Variants in KMT2A observed in about 807,000 individuals in gnomAD.
The protein encoded by KMT2A is lysine methyltransferase 2A.
Under a neutral mutation model 345.3 loss-of-function variants are expected in KMT2A, and 16 were observed. That is an observed-to-expected ratio of 0.05 (90% CI 0.03 to 0.07). The LOEUF is 0.07. Ranked by LOEUF, KMT2A falls within the 10% of genes least tolerant of loss-of-function variation. The pLI, the probability that KMT2A is intolerant of heterozygous loss-of-function variation, is 1.00. For missense variants in KMT2A, 3,272 were observed against 4,841.6 expected (o/e 0.68, Z 9.62); for synonymous variants, 1,599 against 1,778.6 (o/e 0.90, Z 2.54).
rs566099865 is a variant in KMT2A, at chr11:118,487,548, A to G, written c.4333-1066A>G. Among the ~76,000 whole-genome samples, 241 of 152,344 alleles carry G rather than the reference A, an allele frequency of 1.6e-3. 1 individual carries two copies. Among genetic ancestry groups the G allele is most frequent in the Non-Finnish European group, 2.4e-3 (163 of 68,040 alleles). ...TGTTAATATGTTTCTCTGTGTGTAT[A>G]TATTTTACAAAATAACAAATAAAAT... is the stretch of plus-strand genomic sequence containing the variant. On this transcript the variant is annotated intron_variant, in intron 10 of 35. Transcript: ENST00000534358.
At position 118,503,047 on chromosome 11, in the gene KMT2A, C is replaced by T. The variant is rs781968542; in HGVS notation, c.7155C>T (p.His2385=). ...GGCAAAGGAATGATCGAGACCAACA[C>T]ACAGATTCTACCCAATCAGCAAACT... is the stretch of plus-strand genomic sequence containing the variant. ...LRGQRNDRDQ[H]TDSTQSANSS... The change falls in exon 27 of 36, where the codon CAC becomes CAT. Residue 2385 remains histidine, a synonymous_variant. Transcript: ENST00000534358. This position sits in a 1 kb window ranked among gnomAD's most constrained non-coding sequence, Gnocchi z 5.3. 1.8e-5 allele frequency: 29 copies of T among 1,613,176 alleles called. No homozygotes were observed. The highest frequency in any genetic ancestry group is 2.3e-5 in the Non-Finnish European group (27 of 1,179,976).
intron 1 of KMT2A, among the ~76,000 whole-genome samples, chr11:118,463,478 A>G (rs1949785675): frequency 6.6e-6 from 1 of 152,242 alleles, no homozygotes. Context: ...TCAGGAAAAG[A>G]ATGAATTAAT....
rs1950988355 is a variant in KMT2A, at chr11:118,522,334, G to T, written c.*162G>T. On this transcript the variant is annotated 3_prime_UTR_variant, in exon 36 of 36. Transcript: ENST00000534358. This position sits in a 1 kb window ranked among gnomAD's most constrained non-coding sequence, Gnocchi z 5.4. ...TATGTCCTATACTCACATCAGACATGTGATCATAGTCCCAGAGACAGAGTT... is the reference window on the plus strand; with the variant it reads ...TATGTCCTATACTCACATCAGACATTTGATCATAGTCCCAGAGACAGAGTT... 1 of 650,684 alleles carries T rather than the reference G, an allele frequency of 1.5e-6. No homozygotes were observed. The highest frequency in any genetic ancestry group is 2.6e-6 in the Non-Finnish European group (1 of 382,600). 40.3% of individuals were successfully genotyped at this position (650,684 alleles called of 1,614,324 possible). A position where few individuals can be genotyped will look rare whatever the true frequency, so the allele number is the denominator to read the frequency against.
Position 118,491,607 on chromosome 11 carries a change from C to G in KMT2A, c.4820-137C>G. The G allele has an allele frequency of 1.4e-6, 1 of 696,886 alleles. No individual in the cohort carries two copies. The highest frequency in any genetic ancestry group is 2.3e-6 in the Non-Finnish European group (1 of 433,640). 43.2% of individuals were successfully genotyped at this position (696,886 alleles called of 1,614,324 possible). ...GCCACTTTTTGAGATCAATATGTGT[C>G]ATATCCATGAGGACATTAAAATCTT... is the stretch of plus-strand genomic sequence containing the variant. On this transcript the variant is annotated intron_variant, in intron 14 of 35. Coordinates refer to ENST00000534358, the MANE Select transcript of KMT2A (RefSeq NM_001197104.2). This position sits in a 1 kb window ranked among gnomAD's most constrained non-coding sequence, Gnocchi z 4.2.
At chr11:118,452,212 C>T (rs538930086) in intron 1 of KMT2A, among the ~76,000 whole-genome samples, 1 of 152,272 alleles carries the variant, frequency 6.6e-6, no homozygotes, top group East Asian at 1.9e-4. Context: ...GGCTCTGAAT[C>T]AGGAGATTTT....
In KMT2A at chr11:118,506,386, G is replaced by A. The variant is rs1217403070; in HGVS notation, c.10494G>A (p.Leu3498=). 2.5e-6 allele frequency: 4 copies of A among 1,614,106 alleles called. No individual in the cohort carries two copies. The highest frequency in any genetic ancestry group is 2.2e-5 in the East Asian group (1 of 44,902). The change falls in exon 27 of 36, where the codon CTG becomes CTA. Residue 3498 remains leucine (L), a synonymous_variant. Transcript: ENST00000534358. Reference sequence around the variant, plus strand: ...TAGACGCTCCTAATAGCATGGGACTGGAGCAGAACAAGGCTTTATCCTCAG... The same window carrying A: ...TAGACGCTCCTAATAGCATGGGACTAGAGCAGAACAAGGCTTTATCCTCAG... ...QTVDAPNSMG[L]EQNKALSSAV...
rs551614247 is a variant in KMT2A, at chr11:118,469,174, A to T, written c.502+330A>T. 1.1e-3 allele frequency among the ~76,000 whole-genome samples: 129 copies of T among 120,436 alleles called. 1 individual carries two copies. Among genetic ancestry groups the T allele is most frequent in the African/African-American group, 4.0e-3 (125 of 31,086 alleles). The allele number at this position is 120,436 out of a possible 152,430, so 79.0% of individuals were successfully genotyped here. A position where few individuals can be genotyped will look rare whatever the true frequency, so the allele number is the denominator to read the frequency against. On this transcript the variant is annotated intron_variant, in intron 2 of 35. Coordinates refer to ENST00000534358, the MANE Select transcript of KMT2A (RefSeq NM_001197104.2). ...AGCTAGACTTCTTTATGGGACTCTTATCTATCAGGCCACATTGGGTTTATT... is the reference window on the plus strand; with the variant it reads ...AGCTAGACTTCTTTATGGGACTCTTTTCTATCAGGCCACATTGGGTTTATT...
intron 31 of KMT2A, among the ~76,000 whole-genome samples, chr11:118,514,881 C>T (rs1042594385): frequency 6.6e-6 from 1 of 152,210 alleles, no homozygotes; most frequent in Non-Finnish European, 1.5e-5. Flanking sequence ...AATCTGCCCG[C>T]CTCAGCCTCC....
At chr11:118,479,996 G>A (rs553023123) in intron 5 of KMT2A, among the ~76,000 whole-genome samples, 178 bp from the exon 6 acceptor site, 15 of 152,294 alleles carry the variant, frequency 9.8e-5, no homozygotes, top group South Asian at 8.3e-4. Context: ...AGGTGAAATT[G>A]CTGATCCAGG....
At position 118,436,670 on chromosome 11, in the gene KMT2A, C is replaced by T. The variant is rs9332747; in HGVS notation, c.158C>T (p.Ala53Val). ...CCGGTCGGCGGTGGCGGCCCCGGGG[C>T]GCCCCCCTCCCCCCCGGCTGTGGCG... ...GPPVGGGGPG[A>V]PPSPPAVAAA... The change falls in exon 1 of 36, where the codon GCG becomes GTG. Residue 53 changes from alanine to valine, a missense_variant. This residue lies in a region of KMT2A where 412 missense variants were observed against 511.0 expected (regional missense o/e 0.81). Transcript: ENST00000534358. The surrounding 1 kb of genome is among the most constrained non-coding windows in gnomAD (Gnocchi z 6.9). The T allele has an allele frequency of 1.8e-3, 2,154 of 1,220,738 alleles. 106 individuals are homozygous for T. The Admixed American group carries it at 0.068, about 39-fold the overall frequency. The allele number at this position is 1,220,738 out of a possible 1,614,324, so 75.6% of individuals were successfully genotyped here. A position where few individuals can be genotyped will look rare whatever the true frequency, so the allele number is the denominator to read the frequency against.
At chr11:118,442,537 G>A (rs1555026131) in intron 1 of KMT2A, among the ~76,000 whole-genome samples, 1 of 152,118 alleles carries the variant, frequency 6.6e-6, no homozygotes, top group African/African-American at 2.4e-5. Flanking sequence ...TGATTTTTGT[G>A]GACTCTGAGG....
At chr11:118,479,187 T>G (rs1950090077) in intron 5 of KMT2A, among the ~76,000 whole-genome samples, 1 of 152,246 alleles carries the variant, frequency 6.6e-6, no homozygotes, top group Admixed American at 6.5e-5. Flanking sequence ...ATGCTAAGTC[T>G]TATTCATTCT....
rs555310772 is a variant in KMT2A at position 118,506,582 on chromosome 11, C to T, written c.10690C>T (p.Arg3564Trp). 759 of 1,613,910 alleles carry T rather than the reference C, an allele frequency of 4.7e-4. 5 individuals carry two copies. In the South Asian group the frequency reaches 7.6e-3, roughly 16 times the overall value. Residue 3564 changes from arginine to tryptophan, a missense_variant, in exon 27 of 36, where the codon CGG (arginine) becomes TGG (tryptophan). Arg to Trp is a moderately radical substitution (Grantham distance 101, BLOSUM62 -3). This residue lies in a region of KMT2A where 748 missense variants were observed against 922.2 expected (regional missense o/e 0.81). Transcript: ENST00000534358. ...CAAGAAGCACAAAGTTTCCCATTTG[C>T]GGACCAGTTCTTCTGAAGCACACAT... ...NGKKHKVSHL[R>W]TSSSEAHIPD...
chr11:118,499,971 T>C, intron 24 of KMT2A, 58 bp downstream of exon 24: 2 of 1,136,760 alleles, frequency 1.8e-6, no homozygotes, highest in Non-Finnish European at 2.7e-6. Context: ...ACTGAAGCCA[T>C]GTGCAGGTCA....
In KMT2A at chr11:118,520,129, C is replaced by T. The variant is rs78956418; in HGVS notation, c.11429+65C>T. The T allele has an allele frequency of 2.9e-6, 3 of 1,044,732 alleles. No individual in the cohort carries two copies. Among genetic ancestry groups the T allele is most frequent in the Non-Finnish European group, 4.3e-6 (3 of 689,908 alleles). 64.7% of individuals were successfully genotyped at this position (1,044,732 alleles called of 1,614,324 possible). ...CCCTCTCCTCCAGCTGGTCAGGGCA[C>T]TACGTAGGAATTTGTTTGCATCAGA... On this transcript the variant is annotated intron_variant, in intron 33 of 35. Coordinates refer to ENST00000534358, the MANE Select transcript of KMT2A (RefSeq NM_001197104.2). The surrounding 1 kb of genome is among the most constrained non-coding windows in gnomAD (Gnocchi z 4.3).
intron 1 of KMT2A, among the ~76,000 whole-genome samples, chr11:118,437,989 G>T (rs1381520016): frequency 6.6e-6 from 1 of 151,972 alleles, no homozygotes. Flanking sequence ...CTGAGAGCAC[G>T]CAGTCTCCAA....
At position 118,520,976 on chromosome 11, in the gene KMT2A, CAGTA is replaced by C; in HGVS notation, c.11513+95_11513+98del. The C allele has an allele frequency of 1.1e-6, 1 of 945,852 alleles. No homozygotes were observed. The highest frequency in any genetic ancestry group is 1.3e-5 in the South Asian group (1 of 74,346). The allele number at this position is 945,852 out of a possible 1,614,324, so 58.6% of individuals were successfully genotyped here. On this transcript the variant is annotated intron_variant, in intron 34 of 35. Coordinates refer to ENST00000534358, the MANE Select transcript of KMT2A (RefSeq NM_001197104.2). This position sits in a 1 kb window ranked among gnomAD's most constrained non-coding sequence, Gnocchi z 4.3. The stretch of plus-strand genomic sequence containing the variant: ...AAATGCTGGAGTGACCTTCCTCACT[CAGTA>C]AGTGAGGATTTTACGGACACTATTT...
chr11:118,505,256 A>G lies in KMT2A; in HGVS notation c.9364A>G (p.Thr3122Ala). 6.2e-7 allele frequency: 1 copy of G among 1,614,166 alleles called. No individual in the cohort carries two copies. Among genetic ancestry groups the G allele is most frequent in the Non-Finnish European group, 8.5e-7 (1 of 1,180,020 alleles). Residue 3122 changes from threonine (T) to alanine (A), a missense_variant, in exon 27 of 36, where the codon ACT becomes GCT. Physicochemically the swap from Thr to Ala is moderately conservative, Grantham distance 58. Coordinates refer to ENST00000534358, the MANE Select transcript of KMT2A (RefSeq NM_001197104.2). The surrounding 1 kb of genome is among the most constrained non-coding windows in gnomAD (Gnocchi z 4.6). ...TACACCCAGTGTGATGGAGACAAATACTTCAGTATTGGGACCCATGGGAGG... is the reference window on the plus strand; with the variant it reads ...TACACCCAGTGTGATGGAGACAAATGCTTCAGTATTGGGACCCATGGGAGG... ...SSTPSVMETN[T>A]SVLGPMGGGL... is the part of the protein sequence containing the mutation.
intron 11 of KMT2A, 88 bp from the exon 12 acceptor site, chr11:118,489,704 C>T: frequency 9.8e-7 from 1 of 1,018,864 alleles, no homozygotes; most frequent in South Asian, 1.3e-5. Context: ...TACTTACTTG[C>T]CAGTAAATGT....
Sources: gnomAD v4.1 joint callset for allele counts (sites outside exome capture counted in the v4.1 genomes callset) on GRCh38, gnomAD v4.1.1 for gene constraint, gnomAD v4.1.1 regional missense constraint, Gnocchi (gnomAD v3.1) non-coding constraint, MANE v1.5 for transcripts, NCBI Gene and HGNC (gene_info 2026-07-23, HGNC 2026-07-21) for gene names.